The following ITPR3 variants were observed in gnomAD, a reference collection of about 807,000 sequenced individuals.
ITPR3 encodes inositol 1,4,5-trisphosphate-gated calcium channel ITPR3.
A neutral mutation model predicts 293.2 loss-of-function variants in ITPR3; 173 were observed. The observed-to-expected ratio is 0.59, with a 90% CI of 0.52 to 0.67. The LOEUF is 0.67. Among genes scored for constraint, ITPR3 ranks in the 30% least tolerant of loss-of-function variants. The pLI, the probability that ITPR3 is intolerant of heterozygous loss-of-function variation, is 0.00. For missense variants in ITPR3, 2,796 were observed against 3,592.1 expected, an observed-to-expected ratio of 0.78 and a Z score of 5.66; for synonymous variants, 1,295 against 1,444.4, an observed-to-expected ratio of 0.90 and a Z score of 2.35.
Position 33,664,803 on chromosome 6 carries a change from G to A in ITPR3, c.1149-67G>A. Reference sequence around the variant, plus strand: ...AGCTGTGGCAGTGTTGGGGAGGTAGGCCGGCAGGCAGCATGACGTGCTCTG... The same window carrying A: ...AGCTGTGGCAGTGTTGGGGAGGTAGACCGGCAGGCAGCATGACGTGCTCTG... On this transcript the variant is annotated intron_variant, in intron 11 of 57. Coordinates refer to ENST00000605930, the MANE Select transcript of ITPR3 (RefSeq NM_002224.4). The surrounding 1 kb of genome is among the most constrained non-coding windows in gnomAD (Gnocchi z 4.4). 7.2e-7 allele frequency: 1 copy of A among 1,397,222 alleles called. No homozygotes were observed. Among genetic ancestry groups the A allele is most frequent in the Non-Finnish European group, 1.0e-6 (1 of 997,596 alleles). 86.6% of individuals were successfully genotyped at this position (1,397,222 alleles called of 1,614,324 possible). A position where few individuals can be genotyped will look rare whatever the true frequency, so the allele number is the denominator to read the frequency against.
rs552971653 is a variant in ITPR3 at position 33,690,135 on chromosome 6, C to T, written c.6969C>T (p.His2323=). 1.1e-5 allele frequency: 18 copies of T among 1,613,546 alleles called. No homozygotes were observed. The highest frequency in any genetic ancestry group is 1.4e-5 in the Non-Finnish European group (16 of 1,179,700). The change falls in exon 51 of 58, where the codon CAC becomes CAT. Residue 2323 remains histidine (H), a synonymous_variant. Coordinates refer to ENST00000605930, the MANE Select transcript of ITPR3 (RefSeq NM_002224.4). ...AMVMDMEFLY[H]VGYILTSVLG... is the part of the protein sequence containing the mutation. The stretch of plus-strand genomic sequence containing the variant: ...TCATGGACATGGAATTCCTCTACCA[C>T]GTGGGCTACATCCTGACCAGTGTCC...
At chr6:33,652,143 C>T (rs9469540) in intron 2 of ITPR3, among the ~76,000 whole-genome samples, 57,075 of 151,974 alleles carry the variant, frequency 0.38, 11,090 homozygotes, top group Non-Finnish European at 0.44. Flanking sequence ...GCTCCCTGCC[C>T]CTGCCAGGAG....
rs774115645 is a variant in ITPR3 at position 33,667,789 on chromosome 6, C to T, written c.1714-3C>T. On this transcript the variant is annotated splice_polypyrimidine_tract_variant and splice_region_variant and intron_variant, in intron 15 of 57. Transcript: ENST00000605930. This position sits in a 1 kb window ranked among gnomAD's most constrained non-coding sequence, Gnocchi z 4.4. The stretch of plus-strand genomic sequence containing the variant: ...GTGACCCCCAGCCTGTCTGCCCCCC[C>T]AGGAGCACATTGCCAAGCAGTTTGG... The T allele has an allele frequency of 6.2e-7, 1 of 1,613,842 alleles. No individual in the cohort carries two copies. The highest frequency in any genetic ancestry group is 2.2e-5 in the East Asian group (1 of 44,878).
chr6:33,658,580 C>T lies in ITPR3; in HGVS notation c.370-90C>T. The T allele has an allele frequency of 6.8e-7, 1 of 1,472,524 alleles. No individual in the cohort carries two copies. The highest frequency in any genetic ancestry group is 9.3e-7 in the Non-Finnish European group (1 of 1,077,166). 91.2% of individuals were successfully genotyped at this position (1,472,524 alleles called of 1,614,324 possible). A position where few individuals can be genotyped will look rare whatever the true frequency, so the allele number is the denominator to read the frequency against. On this transcript the variant is annotated intron_variant, in intron 4 of 57. Transcript: ENST00000605930. This position sits in a 1 kb window ranked among gnomAD's most constrained non-coding sequence, Gnocchi z 6.1. ...CACTATGTGTGCAGCCAGAATGTGA[C>T]CAAGGGTCTAGGGGATCCCCCCATA... is the stretch of plus-strand genomic sequence containing the variant.
chr6:33,695,200 G>A, intron 57 of ITPR3, 115 bp downstream of exon 57: 1 of 1,188,656 alleles, frequency 8.4e-7, no homozygotes, highest in Non-Finnish European at 1.2e-6. Context: ...CCCTGGGCCT[G>A]GATGAGAAGG....
In ITPR3 at chr6:33,672,093, C is replaced by A. The variant is rs1463355850; in HGVS notation, c.2793C>A (p.Arg931=). ...GHMMSTMVLS[R]KQSVFSAPSL... is the part of the protein sequence containing the mutation. ...TGATGTCCACCATGGTGCTGAGCCG[C>A]AAGCAGTCCGTCTTCAGTGCCCCCA... The change falls in exon 22 of 58, where the codon CGC becomes CGA. Residue 931 remains arginine, a synonymous_variant. Transcript: ENST00000605930. This position sits in a 1 kb window ranked among gnomAD's most constrained non-coding sequence, Gnocchi z 5.0. The A allele has an allele frequency of 6.2e-7, 1 of 1,613,748 alleles. No homozygotes were observed. The highest frequency in any genetic ancestry group is 2.2e-5 in the East Asian group (1 of 44,862).
chr6:33,651,103 C>T (rs368273717), intron 2 of ITPR3, among the ~76,000 whole-genome samples: 56 of 151,766 alleles, frequency 3.7e-4, no homozygotes, highest in African/African-American at 1.2e-3. Context: ...GGTGAAACCT[C>T]GTCTCTACTG....
rs1764744173 is a variant in ITPR3, at chr6:33,670,953, C to T, written c.2586+138C>T. On this transcript the variant is annotated intron_variant, in intron 20 of 57. Coordinates refer to ENST00000605930, the MANE Select transcript of ITPR3 (RefSeq NM_002224.4). This position sits in a 1 kb window ranked among gnomAD's most constrained non-coding sequence, Gnocchi z 6.7. ...TGTGTCCCCAGCCAGTGCAGGGGGA[C>T]CGCATAGAAGGCTGGGATTCTCCAA... is the stretch of plus-strand genomic sequence containing the variant. 5 of 1,323,910 alleles carry T rather than the reference C, an allele frequency of 3.8e-6. No homozygotes were observed. Among genetic ancestry groups the T allele is most frequent in the Non-Finnish European group, 5.2e-6 (5 of 964,296 alleles). 82.0% of individuals were successfully genotyped at this position (1,323,910 alleles called of 1,614,324 possible).
chr6:33,684,948 G>T lies in ITPR3; in HGVS notation c.5307+5G>T, dbSNP rs746586141. 2 of 1,601,804 alleles carry T rather than the reference G, an allele frequency of 1.2e-6. No individual in the cohort carries two copies. The highest frequency in any genetic ancestry group is 1.1e-5 in the South Asian group (1 of 89,334). ...GGTGGCAACACAGAGATCCAGGTGT[G>T]GGGGGCCTGGGGCCTGGACATGCCC... On this transcript the variant is annotated splice_donor_5th_base_variant and intron_variant, in intron 39 of 57. Coordinates refer to ENST00000605930, the MANE Select transcript of ITPR3 (RefSeq NM_002224.4). The surrounding 1 kb of genome is among the most constrained non-coding windows in gnomAD (Gnocchi z 4.2).
intron 31 of ITPR3, 92 bp from the exon 32 acceptor site, chr6:33,680,237 G>T: frequency 1.3e-6 from 2 of 1,572,332 alleles, no homozygotes; most frequent in Non-Finnish European, 1.7e-6. Context: ...GAAGTGGGCA[G>T]GAACCGGAGG....
At chr6:33,653,382 T>C (rs770502468) in intron 2 of ITPR3, among the ~76,000 whole-genome samples, 45 of 151,870 alleles carry the variant, frequency 3.0e-4, no homozygotes, top group Middle Eastern at 3.2e-3. Flanking sequence ...CCCATAGTGC[T>C]GGAATTACAG....
chr6:33,685,279 G>A, intron 39 of ITPR3, 80 bp from the exon 40 acceptor site: 2 of 1,381,462 alleles, frequency 1.4e-6, no homozygotes, highest in Admixed American at 1.9e-5. Context: ...GGCCCCAGCA[G>A]TGTGGTGTGC....
chr6:33,687,029 C>T lies in ITPR3; in HGVS notation c.6000C>T (p.Leu2000=). The T allele has an allele frequency of 6.2e-7, 1 of 1,613,954 alleles. No individual in the cohort carries two copies. Among genetic ancestry groups the T allele is most frequent in the Non-Finnish European group, 8.5e-7 (1 of 1,179,974 alleles). The change falls in exon 44 of 58, where the codon CTC becomes CTT. Residue 2000 remains leucine (L), a synonymous_variant. Coordinates refer to ENST00000605930, the MANE Select transcript of ITPR3 (RefSeq NM_002224.4). This position sits in a 1 kb window ranked among gnomAD's most constrained non-coding sequence, Gnocchi z 5.3. The part of the protein sequence containing the change: ...LQLKDNASKL[L]LALMESRHDS... The stretch of plus-strand genomic sequence containing the variant: ...CCCAGGACAATGCCTCCAAGCTGCT[C>T]CTGGCTCTGATGGAGAGCCGGCATG...
At chr6:33,659,807 G>A (rs1185476011) in intron 7 of ITPR3, among the ~76,000 whole-genome samples, 2 of 152,108 alleles carry the variant, frequency 1.3e-5, no homozygotes, top group Non-Finnish European at 2.9e-5. Context: ...CTTGTTTAAG[G>A]GGGTGTCAGT....
chr6:33,633,800 G>A lies in ITPR3; in HGVS notation c.90-6684G>A, dbSNP rs544400026. On this transcript the variant is annotated intron_variant, in intron 1 of 57. Transcript: ENST00000605930. This position sits in a 1 kb window ranked among gnomAD's most constrained non-coding sequence, Gnocchi z 5.2. ...GCCGGACGCCCGGAGCTCGCGGGCC[G>A]GGCCAGGCTGGGGGCGGGGCGGGCG... Among the ~76,000 whole-genome samples, 748 of 144,906 alleles carry A rather than the reference G, an allele frequency of 5.2e-3. 3 individuals are homozygous for A. The highest frequency in any genetic ancestry group is 0.016 in the South Asian group (77 of 4,716).
intron 7 of ITPR3, among the ~76,000 whole-genome samples, chr6:33,660,329 T>C (rs112658426): frequency 6.6e-6 from 1 of 152,104 alleles, no homozygotes; most frequent in African/African-American, 2.4e-5. Context: ...AGCAGCCACC[T>C]AAGGAGTCTT....
chr6:33,671,586 CGT>C (rs962735497), intron 21 of ITPR3, among the ~76,000 whole-genome samples: 2 of 152,118 alleles, frequency 1.3e-5, no homozygotes, highest in Non-Finnish European at 2.9e-5. Context: ...GCTCTGTCAT[CGT>C]GTGTGTGAGG....
Position 33,655,861 on chromosome 6 carries a change from G to GTC in ITPR3, c.256_257insTC (p.Asp86ValfsTer32). On this transcript the variant is annotated frameshift_variant, in exon 3 of 58. Transcript: ENST00000605930. LOFTEE classifies it high-confidence loss of function. This position sits in a 1 kb window ranked among gnomAD's most constrained non-coding sequence, Gnocchi z 4.9. Reference sequence around the variant, plus strand: ...TAAGCAGGACAAGGAGAAGATCGCTGATGTGGTGTTGCTGCAGAAGCTGCA... The same window carrying GTC: ...TAAGCAGGACAAGGAGAAGATCGCTGTCATGTGGTGTTGCTGCAGAAGCTGCA... The GTC allele has an allele frequency of 6.2e-7, 1 of 1,614,096 alleles. No homozygotes were observed. Among genetic ancestry groups the GTC allele is most frequent in the African/African-American group, 1.3e-5 (1 of 75,040 alleles).
chr6:33,642,068 G>A (rs187572197), intron 2 of ITPR3, among the ~76,000 whole-genome samples: 7 of 152,340 alleles, frequency 4.6e-5, no homozygotes, highest in East Asian at 1.9e-4. Flanking sequence ...CCACACGGCA[G>A]ATCCCCGAGC....
Sources: gnomAD v4.1 joint callset for allele counts (sites outside exome capture counted in the v4.1 genomes callset) on GRCh38, gnomAD v4.1.1 for gene constraint, Gnocchi (gnomAD v3.1) non-coding constraint, MANE v1.5 for transcripts, NCBI Gene and HGNC (gene_info 2026-07-23, HGNC 2026-07-21) for gene names.